The following SAMMSON variants were observed in gnomAD, a reference collection of about 807,000 sequenced individuals.
SAMMSON encodes the protein survival associated mitochondrial melanoma specific oncogenic non-coding RNA.
chr3:70,011,942 G>A (rs1285505606), intron 1 of SAMMSON, among the ~76,000 whole-genome samples: 2 of 152,038 alleles, frequency 1.3e-5, no homozygotes, highest in Non-Finnish European at 2.9e-5. Flanking sequence ...TCCCAGAGAT[G>A]AGTGCATCTG....
chr3:70,201,379 G>C (rs1232332119), intron 4 of SAMMSON, among the ~76,000 whole-genome samples: 3 of 152,080 alleles, frequency 2.0e-5, no homozygotes, highest in African/African-American at 7.2e-5. Flanking sequence ...ACATGATCTT[G>C]TTCTTTTTTA....
intron 3 of SAMMSON, among the ~76,000 whole-genome samples, chr3:70,029,098 T>G (rs985832075): frequency 3.3e-5 from 5 of 152,212 alleles, no homozygotes. Flanking sequence ...ATCCTGTGTC[T>G]TCTTCTGCAT....
rs572121532 is a variant in SAMMSON, at chr3:70,060,570, G to A, written n.418-10906G>A. Among the ~76,000 whole-genome samples the A allele has an allele frequency of 1.5e-3, 233 of 152,162 alleles. 1 individual carries two copies. Among genetic ancestry groups the A allele is most frequent in the Middle Eastern group, 6.8e-3 (2 of 294 alleles). The stretch of plus-strand genomic sequence containing the variant: ...TACTTAGGCTTCAAATTAATTTGAA[G>A]GTTATCCTGGGGAAAATATTATGAT... On this transcript the variant is annotated intron_variant and non_coding_transcript_variant, in intron 3 of 9. Coordinates refer to ENST00000642114, the Ensembl canonical transcript of SAMMSON.
chr3:70,367,232 C>T (rs1219657547), intron 9 of SAMMSON, among the ~76,000 whole-genome samples: 1 of 151,438 alleles, frequency 6.6e-6, no homozygotes, highest in Non-Finnish European at 1.5e-5. Context: ...CTATAGTCAC[C>T]CTATTGTGGT....
intron 3 of SAMMSON, among the ~76,000 whole-genome samples, chr3:70,024,652 A>G (rs1202414393): frequency 6.6e-6 from 1 of 152,222 alleles, no homozygotes; most frequent in East Asian, 1.9e-4. Context: ...CTTACATGGA[A>G]GAGGCAAAGG....
At chr3:70,373,814 A>G (rs1482961306) in intron 9 of SAMMSON, among the ~76,000 whole-genome samples, 1 of 151,984 alleles carries the variant, frequency 6.6e-6, no homozygotes, top group African/African-American at 2.4e-5. Context: ...GTTCTTCTTT[A>G]TATCTTATCT....
intron 4 of SAMMSON, among the ~76,000 whole-genome samples, chr3:70,180,026 G>A (rs1248442183): frequency 6.6e-6 from 1 of 151,302 alleles, no homozygotes; most frequent in African/African-American, 2.4e-5. Context: ...GTGTGTGTGT[G>A]TGCGCGCACG....
intron 4 of SAMMSON, chr3:70,205,106 C>T (rs1328834371): frequency 6.6e-6 from 1 of 151,952 alleles, no homozygotes; most frequent in African/African-American, 2.4e-5. Context: ...GTTGGGAGTA[C>T]CTTGAGCTTT....
At chr3:70,019,584 T>G (rs992749995) in intron 3 of SAMMSON, among the ~76,000 whole-genome samples, 4 of 152,184 alleles carry the variant, frequency 2.6e-5, no homozygotes, top group African/African-American at 4.8e-5. Flanking sequence ...CCATTTACAG[T>G]TACGGTTAAT....
At chr3:70,412,342 G>C (rs1701226403) in intron 2 of SAMMSON, among the ~76,000 whole-genome samples, 1 of 152,084 alleles carries the variant, frequency 6.6e-6, no homozygotes, top group Non-Finnish European at 1.5e-5. Flanking sequence ...TTAATGCATA[G>C]TACATTTAAC....
intron 4 of SAMMSON, chr3:70,184,024 T>C (rs1212181846): frequency 6.6e-6 from 1 of 152,178 alleles, no homozygotes; most frequent in Non-Finnish European, 1.5e-5. Flanking sequence ...GGATGCTCCA[T>C]GTTGGTACAA....
At chr3:70,028,834 GATGATA>G (rs1180903636) in intron 3 of SAMMSON, among the ~76,000 whole-genome samples, 4 of 152,154 alleles carry the variant, frequency 2.6e-5, no homozygotes, top group Non-Finnish European at 4.4e-5. Flanking sequence ...TTTTCTCACC[GATGATA>G]ATGATAGTAG....
intron 4 of SAMMSON, among the ~76,000 whole-genome samples, chr3:70,196,698 A>G (rs933071553): frequency 3.3e-5 from 5 of 152,212 alleles, no homozygotes; most frequent in Non-Finnish European, 7.3e-5. Context: ...TGTTCATCAC[A>G]TGTGATCAAG....
At chr3:70,383,325 T>C (rs1364380334) in intron 9 of SAMMSON, among the ~76,000 whole-genome samples, 1 of 142,136 alleles carries the variant, frequency 7.0e-6, no homozygotes, top group East Asian at 2.0e-4. Context: ...ATTTTTACAA[T>C]TGTTTTCCCT....
At chr3:70,150,978 A>G (rs1023727277) in intron 4 of SAMMSON, among the ~76,000 whole-genome samples, 2 of 152,046 alleles carry the variant, frequency 1.3e-5, no homozygotes, top group Admixed American at 6.6e-5. Context: ...ACAGAAATAT[A>G]TATATCTATA....
At chr3:70,010,290 C>T (rs112921103) in intron 1 of SAMMSON, among the ~76,000 whole-genome samples, 1 of 152,158 alleles carries the variant, frequency 6.6e-6, no homozygotes, top group Admixed American at 6.5e-5. Flanking sequence ...CTTTCTAGAT[C>T]TCTAAGAACT....
intron 4 of SAMMSON, among the ~76,000 whole-genome samples, chr3:70,192,744 G>T (rs1701140514): frequency 6.6e-6 from 1 of 152,178 alleles, no homozygotes; most frequent in Admixed American, 6.5e-5. Flanking sequence ...GTATAAGTAG[G>T]TCACATGTAA....
At chr3:70,376,347 A>G (rs1375869297) in intron 9 of SAMMSON, among the ~76,000 whole-genome samples, 1 of 152,228 alleles carries the variant, frequency 6.6e-6, no homozygotes, top group East Asian at 1.9e-4. Context: ...CATTTATGAT[A>G]TGCTGGAATG....
At chr3:70,217,185 C>T (rs1182653556) in intron 4 of SAMMSON, among the ~76,000 whole-genome samples, 9 of 152,100 alleles carry the variant, frequency 5.9e-5, no homozygotes, top group East Asian at 1.9e-4. Flanking sequence ...CCTGGGAGAC[C>T]GTAGGTACTC....
Sources: allele counts gnomAD v4.1 joint callset (sites outside exome capture counted in the v4.1 genomes callset), GRCh38; gene constraint gnomAD v4.1.1; transcripts MANE v1.5; gene names NCBI Gene and HGNC (gene_info 2026-07-23, HGNC 2026-07-21).